WWOX: variants seen among roughly 807,000 people sequenced by gnomAD.
The protein encoded by WWOX is WW domain-containing oxidoreductase.
A neutral mutation model predicts 46.2 loss-of-function variants in WWOX; 69 were observed. The observed-to-expected ratio is 1.49, with a 90% CI of 1.23 to 1.82. The LOEUF is 1.82. Ranked by LOEUF, WWOX falls within the 40% of genes most tolerant of loss-of-function variation. The pLI, the probability that WWOX is intolerant of heterozygous loss-of-function variation, is 0.00. For missense variants in WWOX, 919 were observed against 542.6 expected, an observed-to-expected ratio of 1.69 and a Z score of -6.89; for synonymous variants, 359 against 202.6, an observed-to-expected ratio of 1.77 and a Z score of -6.56.
intron 4 of WWOX, among the ~76,000 whole-genome samples, chr16:78,136,960 A>G (rs2033814162): frequency 6.6e-6 from 1 of 152,196 alleles, no homozygotes; most frequent in South Asian, 2.1e-4. Context: ...GCAGGAGAGC[A>G]GGGTGTGTGC....
At chr16:78,593,171 G>A (rs1475897148) in intron 8 of WWOX, among the ~76,000 whole-genome samples, 1 of 151,978 alleles carries the variant, frequency 6.6e-6, no homozygotes, top group Non-Finnish European at 1.5e-5. Flanking sequence ...CTCCCCTGGA[G>A]TGTATCCTGA....
At chr16:79,155,043 A>C (rs1387235945) in intron 8 of WWOX, among the ~76,000 whole-genome samples, 2 of 152,230 alleles carry the variant, frequency 1.3e-5, no homozygotes, top group Non-Finnish European at 2.9e-5. Context: ...TTAGGGTTCT[A>C]GATTCTTCTA....
chr16:78,734,225 A>G (rs2049031486), intron 8 of WWOX, among the ~76,000 whole-genome samples: 1 of 152,126 alleles, frequency 6.6e-6, no homozygotes, highest in Admixed American at 6.5e-5. Flanking sequence ...ACACACATCA[A>G]AATGAGACTC....
intron 5 of WWOX, among the ~76,000 whole-genome samples, chr16:78,315,614 T>C (rs1054259486): frequency 1.4e-4 from 21 of 152,086 alleles, no homozygotes; most frequent in Admixed American, 1.3e-4. Context: ...CATGCCACTG[T>C]ACTCCAGCCT....
intron 8 of WWOX, among the ~76,000 whole-genome samples, chr16:78,758,853 G>C (rs1018258227): frequency 2.3e-4 from 34 of 150,408 alleles, no homozygotes; most frequent in African/African-American, 5.4e-4. Context: ...CTAACCATTT[G>C]AAGATTTTGT....
At chr16:78,397,133 C>T (rs115438660) in intron 6 of WWOX, among the ~76,000 whole-genome samples, 2,025 of 152,186 alleles carry the variant, frequency 0.013, 42 homozygotes, top group African/African-American at 0.046. Flanking sequence ...TGATATTTCA[C>T]GGCTGAGAGA....
chr16:79,111,163 G>T (rs2049409071), intron 8 of WWOX, among the ~76,000 whole-genome samples: 1 of 152,190 alleles, frequency 6.6e-6, no homozygotes, highest in Non-Finnish European at 1.5e-5. Context: ...ATTCCACAAA[G>T]TTAGAGGGGA....
chr16:78,568,539 G>C (rs1024189069), intron 8 of WWOX, among the ~76,000 whole-genome samples: 3 of 144,002 alleles, frequency 2.1e-5, no homozygotes, highest in African/African-American at 5.2e-5. Context: ...GCAGTGGCCC[G>C]ATCCTGGGTC....
intron 8 of WWOX, among the ~76,000 whole-genome samples, chr16:78,920,246 G>A (rs138014443): frequency 3.3e-5 from 5 of 152,168 alleles, no homozygotes; most frequent in Admixed American, 1.3e-4. Context: ...CTTCCAGGAC[G>A]TGACACCTGA....
At position 78,344,164 on chromosome 16, in the gene WWOX, C is replaced by T. The variant is rs1423654363; in HGVS notation, c.517-42696C>T. Among the ~76,000 whole-genome samples, 3 of 116,508 alleles carry T rather than the reference C, an allele frequency of 2.6e-5. 1 individual carries two copies. The highest frequency in any genetic ancestry group is 8.5e-5 in the Admixed American group (1 of 11,750). The allele number at this position is 116,508 out of a possible 152,430, so 76.4% of individuals were successfully genotyped here. ...GTTTCACCAGACTGAGCATCATCCT[C>T]GGGCAGGTGCAGGGGAGAATGGCTG... On this transcript the variant is annotated intron_variant, in intron 5 of 8. Coordinates refer to ENST00000566780, the MANE Select transcript of WWOX (RefSeq NM_016373.4).
intron 5 of WWOX, among the ~76,000 whole-genome samples, chr16:78,370,158 G>T (rs141878878): frequency 3.4e-5 from 5 of 145,616 alleles, no homozygotes; most frequent in African/African-American, 1.3e-4. Context: ...AAAGGGCATG[G>T]ATCTAGATGC....
chr16:78,924,501 T>C (rs2045453977), intron 8 of WWOX, among the ~76,000 whole-genome samples: 1 of 152,226 alleles, frequency 6.6e-6, no homozygotes, highest in Non-Finnish European at 1.5e-5. Context: ...TACTTGGTTG[T>C]ACTTGAGTAA....
chr16:78,749,599 A>T (rs2049429430), intron 8 of WWOX, among the ~76,000 whole-genome samples: 1 of 152,190 alleles, frequency 6.6e-6, no homozygotes, highest in Admixed American at 6.5e-5. Flanking sequence ...AGTGGAGGAT[A>T]TACATTTGGA....
At chr16:78,541,615 C>G (rs965312460) in intron 8 of WWOX, among the ~76,000 whole-genome samples, 2 of 149,454 alleles carry the variant, frequency 1.3e-5, no homozygotes, top group Non-Finnish European at 3.0e-5. Flanking sequence ...AGTTAATGAA[C>G]TTGGCCAGAC....
At chr16:78,356,280 C>A (rs535344721) in intron 5 of WWOX, among the ~76,000 whole-genome samples, 2 of 151,780 alleles carry the variant, frequency 1.3e-5, no homozygotes, top group Non-Finnish European at 2.9e-5. Flanking sequence ...TATCACATTT[C>A]TTTTTCTAGT....
intron 8 of WWOX, among the ~76,000 whole-genome samples, chr16:78,831,406 G>A (rs141811442): frequency 1.1e-4 from 17 of 152,346 alleles, no homozygotes; most frequent in African/African-American, 3.6e-4. Flanking sequence ...TCATGTAAAT[G>A]TAAAAATGAT....
chr16:78,635,735 C>A (rs148774216), intron 8 of WWOX, among the ~76,000 whole-genome samples: 2 of 152,266 alleles, frequency 1.3e-5, no homozygotes, highest in East Asian at 3.9e-4. Flanking sequence ...ATGTCGTCAT[C>A]GTCCTTATGA....
rs545814847 is a variant in WWOX, at chr16:78,554,958, A to G, written c.1056+122206A>G. On this transcript the variant is annotated intron_variant, in intron 8 of 8. Coordinates refer to ENST00000566780, the MANE Select transcript of WWOX (RefSeq NM_016373.4). ...TGCATAGGCGGCCTGTTCTCCCACA[A>G]AGCACTGAGTAAGAAGAAAAGGGGC... Among the ~76,000 whole-genome samples, 3 of 152,176 alleles carry G rather than the reference A, an allele frequency of 2.0e-5. No homozygotes were observed. In the East Asian group the frequency reaches 5.8e-4, roughly 29 times the overall value.
intron 8 of WWOX, chr16:79,204,683 C>T (rs958644657): frequency 2.6e-5 from 4 of 152,264 alleles, no homozygotes; most frequent in Non-Finnish European, 4.4e-5. Flanking sequence ...CCCTGCCCTT[C>T]AATCCTGCTG....
Sources: gnomAD v4.1 joint callset for allele counts (sites outside exome capture counted in the v4.1 genomes callset) on GRCh38, gnomAD v4.1.1 for gene constraint, MANE v1.5 for transcripts, NCBI Gene and HGNC (gene_info 2026-07-23, HGNC 2026-07-21) for gene names.